C16orf89: variants seen among roughly 807,000 people sequenced by gnomAD.
C16orf89 encodes UPF0764 protein C16orf89.
Under a neutral mutation model 41.5 loss-of-function variants are expected in C16orf89, and 57 were observed. The ratio of observed to expected loss-of-function variants is 1.38; its 90% CI spans 1.11 to 1.71. C16orf89 has a LOEUF of 1.71. C16orf89 is among the 40% of genes most tolerant of loss of function. The probability of loss-of-function intolerance (pLI) is 0.00; values close to 1 mark genes in which losing one functional copy is unlikely to be tolerated. For synonymous variants in C16orf89, 223 were observed against 190.6 expected (o/e 1.17, Z -1.40); for missense variants, 575 against 445.9 (o/e 1.29, Z -2.61).
rs892425447 is a variant in C16orf89, at chr16:5,044,483, G to A, written c.956-5C>T. On this transcript the variant is annotated splice_polypyrimidine_tract_variant and splice_region_variant and intron_variant, in intron 7 of 7. Transcript: ENST00000472572. ...TGTTGTGGGAGGAGCAGCCATCTAGGGGAGAGAGCCCCCATGAGTGCTGGG... is the reference window on the plus strand; with the variant it reads ...TGTTGTGGGAGGAGCAGCCATCTAGAGGAGAGAGCCCCCATGAGTGCTGGG... The A allele has an allele frequency of 6.2e-7, 1 of 1,612,250 alleles. No individual in the cohort carries two copies. The highest frequency in any genetic ancestry group is 1.3e-5 in the African/African-American group (1 of 74,912).
chr16:5,048,416 G>C (rs1474319815), intron 6 of C16orf89, among the ~76,000 whole-genome samples: 2 of 152,160 alleles, frequency 1.3e-5, no homozygotes, highest in African/African-American at 4.8e-5. Context: ...CTTGAAACTT[G>C]AGGCTATTCC....
intron 4 of C16orf89, among the ~76,000 whole-genome samples, chr16:5,057,059 G>GAA (rs1284453408): frequency 6.6e-6 from 1 of 151,820 alleles, no homozygotes; most frequent in Non-Finnish European, 1.5e-5. Flanking sequence ...CCAACATGGT[G>GAA]AAACCCCATC....
chr16:5,059,597 C>T (rs1393953851), intron 3 of C16orf89, among the ~76,000 whole-genome samples: 4 of 152,188 alleles, frequency 2.6e-5, no homozygotes, highest in Admixed American at 2.0e-4. Flanking sequence ...GCGGCCTGGG[C>T]ACCGGCTGCC....
intron 1 of C16orf89, among the ~76,000 whole-genome samples, chr16:5,063,436 A>G (rs993329802): frequency 3.3e-5 from 5 of 152,170 alleles, no homozygotes; most frequent in African/African-American, 1.2e-4. Flanking sequence ...ACAAAGTCCA[A>G]TAGGACAGGG....
intron 1 of C16orf89, among the ~76,000 whole-genome samples, chr16:5,063,457 T>A (rs1181178933): frequency 6.6e-6 from 1 of 152,090 alleles, no homozygotes; most frequent in Non-Finnish European, 1.5e-5. Flanking sequence ...GTCCCCAACC[T>A]CCAGTCCATT....
intron 3 of C16orf89, 138 bp downstream of exon 3, chr16:5,060,148 C>A: frequency 9.4e-7 from 1 of 1,069,294 alleles, no homozygotes; most frequent in Non-Finnish European, 1.3e-6. Context: ...CAGTACCCGG[C>A]AGCTACAGGG....
At position 5,044,792 on chromosome 16, in the gene C16orf89, C is replaced by T. The variant is rs147117495; in HGVS notation, c.956-314G>A. ...CCAGGAGGCAAAGGTTGCAGTGAGCCGAGATTGCGCCACTGTACTCCAGCC... is the reference window on the plus strand; with the variant it reads ...CCAGGAGGCAAAGGTTGCAGTGAGCTGAGATTGCGCCACTGTACTCCAGCC... On this transcript the variant is annotated intron_variant, in intron 7 of 7. Transcript: ENST00000472572. 323 of 1,196,160 alleles carry T rather than the reference C, an allele frequency of 2.7e-4. 1 individual carries two copies. The African/African-American group carries it at 4.3e-3, about 16-fold the overall frequency. The allele number at this position is 1,196,160 out of a possible 1,614,324, so 74.1% of individuals were successfully genotyped here.
intron 2 of C16orf89, among the ~76,000 whole-genome samples, chr16:5,061,343 A>C (rs555654117): frequency 6.7e-6 from 1 of 148,460 alleles, no homozygotes; most frequent in African/African-American, 2.5e-5. Flanking sequence ...TAAAGCAGGA[A>C]AATCACTTGA....
chr16:5,060,571 G>A, intron 2 of C16orf89, 135 bp from the exon 3 acceptor site: 1 of 895,024 alleles, frequency 1.1e-6, no homozygotes, highest in Non-Finnish European at 1.6e-6. Context: ...CCTGTCCCCT[G>A]GTCCCAGATT....
intron 3 of C16orf89, among the ~76,000 whole-genome samples, chr16:5,059,405 G>C (rs1360255865): frequency 6.6e-6 from 1 of 152,112 alleles, no homozygotes; most frequent in Non-Finnish European, 1.5e-5. Flanking sequence ...GGAGGAGCTT[G>C]CAGTGAGCCG....
chr16:5,047,798 G>T, intron 7 of C16orf89, 80 bp downstream of exon 7: 1 of 830,194 alleles, frequency 1.2e-6, no homozygotes, highest in Non-Finnish European at 2.1e-6. Context: ...TTCTTCCATA[G>T]CAGAGAATAA....
In C16orf89 at chr16:5,065,756, T is replaced by C. The variant is rs1289783897; in HGVS notation, c.153A>G (p.Glu51=). The C allele has an allele frequency of 6.2e-7, 1 of 1,614,182 alleles. No individual in the cohort carries two copies. The highest frequency in any genetic ancestry group is 8.5e-7 in the Non-Finnish European group (1 of 1,180,002). Residue 51 remains glutamate (E), a synonymous_variant, in exon 1 of 8, where the codon GAA becomes GAG. Transcript: ENST00000472572. ...CCAGGTTGATTTCAGGCAGCCTCTG[T>C]TCTAGGAAGACGGTGGCTCTCTCCA... ...SALERATVFL[E]QRLPEINLDG...
intron 6 of C16orf89, among the ~76,000 whole-genome samples, chr16:5,050,531 A>G (rs1051796351): frequency 1.2e-4 from 19 of 152,242 alleles, no homozygotes; most frequent in Admixed American, 1.0e-3. Context: ...CCAGGACCTG[A>G]CAGCTTCACT....
chr16:5,048,522 A>G (rs1294065992), intron 6 of C16orf89, among the ~76,000 whole-genome samples: 3 of 152,162 alleles, frequency 2.0e-5, no homozygotes, highest in Non-Finnish European at 4.4e-5. Context: ...CCAAACACCC[A>G]CCATCAGAAC....
At chr16:5,052,932 T>G (rs944005451) in intron 6 of C16orf89, among the ~76,000 whole-genome samples, 2 of 152,188 alleles carry the variant, frequency 1.3e-5, no homozygotes, top group Admixed American at 6.5e-5. Context: ...CCCAATGAAG[T>G]ACTATTTCAC....
At chr16:5,063,083 A>G (rs1249443131) in intron 1 of C16orf89, among the ~76,000 whole-genome samples, 1 of 152,186 alleles carries the variant, frequency 6.6e-6, no homozygotes, top group East Asian at 1.9e-4. Context: ...CCTGTGGGCT[A>G]GCAGTGGCTT....
chr16:5,052,466 C>A (rs995432201), intron 6 of C16orf89, among the ~76,000 whole-genome samples: 6 of 152,174 alleles, frequency 3.9e-5, no homozygotes, highest in African/African-American at 1.2e-4. Context: ...TGGCTCCCAC[C>A]TGTAGTCTCA....
intron 1 of C16orf89, 97 bp downstream of exon 1, chr16:5,065,604 A>C: frequency 7.4e-7 from 1 of 1,358,300 alleles, no homozygotes; most frequent in Non-Finnish European, 1.0e-6. Flanking sequence ...TACTGGGGCC[A>C]GGAGTCTGCC....
chr16:5,055,309 G>T lies in C16orf89; in HGVS notation c.805C>A (p.Leu269Ile). 2 of 1,613,514 alleles carry T rather than the reference G, an allele frequency of 1.2e-6. No homozygotes were observed. The highest frequency in any genetic ancestry group is 8.5e-7 in the Non-Finnish European group (1 of 1,179,744). ...CTGAGAATGGCCTCCAGCCACCGGA[G>T]CTTGTAGAAGTCGGAGAAGCCGCCC... Reference protein sequence around the residue: ...GMGGFSDFYKLRWLEAILSWQ... With the variant: ...GMGGFSDFYKIRWLEAILSWQ... The change falls in exon 6 of 8, where the codon CTC becomes ATC. Residue 269 changes from leucine (L) to isoleucine (I), a missense_variant. Leu to Ile is a conservative substitution (Grantham distance 5). Coordinates refer to ENST00000472572, the MANE Select transcript of C16orf89 (RefSeq NM_001098514.3).
Sources: gnomAD v4.1 joint callset for allele counts (sites outside exome capture counted in the v4.1 genomes callset) on GRCh38, gnomAD v4.1.1 for gene constraint, MANE v1.5 for transcripts, NCBI Gene and HGNC (gene_info 2026-07-23, HGNC 2026-07-21) for gene names.